Variants in PDZRN4 observed in about 807,000 individuals in gnomAD.
PDZRN4 encodes the protein PDZ domain-containing RING finger protein 4.
A neutral mutation model predicts 99.0 loss-of-function variants in PDZRN4; 70 were observed. The observed-to-expected ratio is 0.71, with a 90% CI of 0.58 to 0.86. The LOEUF is 0.86. PDZRN4 is among the 40% of genes least tolerant of loss of function. The pLI, the probability that PDZRN4 is intolerant of heterozygous loss-of-function variation, is 0.00. For missense variants in PDZRN4, 1,474 were observed against 1,331.2 expected (o/e 1.11, Z -1.67); for synonymous variants, 551 against 501.6 (o/e 1.10, Z -1.32).
At chr12:41,546,101 G>T (rs986146671) in intron 5 of PDZRN4, among the ~76,000 whole-genome samples, 1 of 152,190 alleles carries the variant, frequency 6.6e-6, no homozygotes, top group African/African-American at 2.4e-5. Context: ...AGCATGGATT[G>T]CTCATTTGCA....
chr12:41,260,948 T>C (rs1425291446), intron 3 of PDZRN4, among the ~76,000 whole-genome samples: 1 of 152,196 alleles, frequency 6.6e-6, no homozygotes, highest in East Asian at 1.9e-4. Context: ...TTAAATCTTG[T>C]GTTTTATGGA....
intron 3 of PDZRN4, among the ~76,000 whole-genome samples, chr12:41,228,953 A>T (rs1951012861): frequency 6.6e-6 from 1 of 151,956 alleles, no homozygotes; most frequent in Non-Finnish European, 1.5e-5. Flanking sequence ...CCTGGATGGG[A>T]TTTAACGCTT....
intron 3 of PDZRN4, among the ~76,000 whole-genome samples, chr12:41,480,766 A>G (rs921239329): frequency 1.3e-5 from 2 of 152,142 alleles, no homozygotes; most frequent in Admixed American, 1.3e-4. Context: ...GAGTAGGAAT[A>G]GAAAGAGACA....
At chr12:41,330,490 T>TAAAAAAAAA (rs201298001) in intron 3 of PDZRN4, among the ~76,000 whole-genome samples, 1 of 139,490 alleles carries the variant, frequency 7.2e-6, no homozygotes, top group Non-Finnish European at 1.5e-5. Flanking sequence ...TCTAATATGG[T>TAAAAAAAAA]AAAAAAAAAA....
intron 3 of PDZRN4, among the ~76,000 whole-genome samples, chr12:41,478,405 T>C (rs1215686190): frequency 6.6e-6 from 1 of 152,176 alleles, no homozygotes; most frequent in Non-Finnish European, 1.5e-5. Flanking sequence ...CATGAGCCAC[T>C]GCACCCAGCC....
chr12:41,507,821 C>T (rs1035215099), intron 4 of PDZRN4, among the ~76,000 whole-genome samples: 1 of 145,654 alleles, frequency 6.9e-6, no homozygotes, highest in Non-Finnish European at 1.5e-5. Flanking sequence ...TTGTATCAGA[C>T]ACAAATTGGA....
intron 3 of PDZRN4, among the ~76,000 whole-genome samples, chr12:41,262,611 G>A (rs1371816177): frequency 6.6e-6 from 1 of 152,212 alleles, no homozygotes; most frequent in East Asian, 1.9e-4. Context: ...AATTTGTGAT[G>A]ATATTTGAAG....
At chr12:41,447,892 GAAA>G (rs71434365) in intron 3 of PDZRN4, among the ~76,000 whole-genome samples, 14,574 of 151,894 alleles carry the variant, frequency 0.096, 687 homozygotes, top group Non-Finnish European at 0.11. Context: ...ATCTCATAAA[GAAA>G]AAAATGGAAG....
intron 3 of PDZRN4, among the ~76,000 whole-genome samples, chr12:41,294,957 A>T (rs1452603467): frequency 6.6e-6 from 1 of 152,102 alleles, no homozygotes; most frequent in Non-Finnish European, 1.5e-5. Context: ...ATCTTCTTCA[A>T]AGAGCCCAAA....
intron 3 of PDZRN4, among the ~76,000 whole-genome samples, chr12:41,486,612 G>A (rs1243396267): frequency 6.6e-6 from 1 of 152,078 alleles, no homozygotes; most frequent in Non-Finnish European, 1.5e-5. Context: ...CTGGGAAAGT[G>A]CAAGCAATGG....
intron 5 of PDZRN4, among the ~76,000 whole-genome samples, chr12:41,548,365 C>A (rs79558057): frequency 0.057 from 8,718 of 151,954 alleles, 608 homozygotes; most frequent in East Asian, 0.17. Flanking sequence ...TTTATTGGAA[C>A]AACAAAGCAT....
chr12:41,509,870 G>A lies in PDZRN4; in HGVS notation c.1160G>A (p.Ser387Asn). Residue 387 changes from serine (S) to asparagine (N), a missense_variant, in exon 5 of 10, where the codon AGC (serine) becomes AAC (asparagine). Transcript: ENST00000402685. The part of the protein sequence containing the change: ...EFYEDNEYIS[S>N]LPADADRTED... ...TATGAGGACAATGAGTATATTTCCA[G>A]CTTGCCTGCTGATGCAGACAGAACA... 6.2e-7 allele frequency: 1 copy of A among 1,603,268 alleles called. No homozygotes were observed. Among genetic ancestry groups the A allele is most frequent in the African/African-American group, 1.3e-5 (1 of 74,660 alleles).
At chr12:41,254,060 C>T (rs1048924631) in intron 3 of PDZRN4, among the ~76,000 whole-genome samples, 10 of 149,090 alleles carry the variant, frequency 6.7e-5, no homozygotes, top group East Asian at 5.9e-4. Context: ...TGTGTGTTTG[C>T]GTGTGTGTGT....
chr12:41,340,805 A>T (rs1160634611), intron 3 of PDZRN4, among the ~76,000 whole-genome samples: 1 of 151,918 alleles, frequency 6.6e-6, no homozygotes, highest in East Asian at 1.9e-4. Context: ...AAGAAGAACT[A>T]ATACTAAGTC....
rs527522695 is a variant in PDZRN4 at position 41,414,174 on chromosome 12, G to T, written c.844-92282G>T. Among the ~76,000 whole-genome samples, 5 of 152,280 alleles carry T rather than the reference G, an allele frequency of 3.3e-5. No homozygotes were observed. The East Asian group carries it at 9.7e-4, about 29-fold the overall frequency. On this transcript the variant is annotated intron_variant, in intron 3 of 9. Transcript: ENST00000402685. The stretch of plus-strand genomic sequence containing the variant: ...TGGCTTGTAGGGTTTCTGCTGAGAA[G>T]TCTGTTGTTAGCCTGACAGGGCTCC...
At chr12:41,348,610 C>T (rs897710168) in intron 3 of PDZRN4, among the ~76,000 whole-genome samples, 2 of 152,086 alleles carry the variant, frequency 1.3e-5, no homozygotes, top group Admixed American at 1.3e-4. Flanking sequence ...CCCTTGAATA[C>T]ATGTCTTTTT....
chr12:41,325,400 G>A (rs530818917), intron 3 of PDZRN4, among the ~76,000 whole-genome samples: 15 of 152,214 alleles, frequency 9.9e-5, no homozygotes, highest in African/African-American at 1.9e-4. Flanking sequence ...CAGTATCTTC[G>A]TGCTTATTGT....
intron 3 of PDZRN4, among the ~76,000 whole-genome samples, chr12:41,387,221 AC>A (rs1952176984): frequency 6.6e-6 from 1 of 152,222 alleles, no homozygotes; most frequent in Non-Finnish European, 1.5e-5. Context: ...TATTCCTCTA[AC>A]AAAGGCTTAC....
At chr12:41,306,362 G>A (rs1226780476) in intron 3 of PDZRN4, among the ~76,000 whole-genome samples, 2 of 152,166 alleles carry the variant, frequency 1.3e-5, no homozygotes, top group Non-Finnish European at 2.9e-5. Flanking sequence ...ATTGCCTTTG[G>A]GGCCATTCTT....
Sources: allele counts gnomAD v4.1 joint callset (sites outside exome capture counted in the v4.1 genomes callset), GRCh38; gene constraint gnomAD v4.1.1; transcripts MANE v1.5; gene names NCBI Gene and HGNC (gene_info 2026-07-23, HGNC 2026-07-21).